The following SNRPB variants were observed in gnomAD, a reference collection of about 807,000 sequenced individuals.
The protein encoded by SNRPB is small nuclear ribonucleoprotein polypeptides B and B1, also known as small nuclear ribonucleoprotein-associated proteins B and B'.
Under a neutral mutation model 26.6 loss-of-function variants are expected in SNRPB, and 5 were observed. The ratio of observed to expected loss-of-function variants is 0.19; its 90% CI spans 0.10 to 0.39. The LOEUF is 0.39. Ranked by LOEUF, SNRPB falls within the 10% of genes least tolerant of loss-of-function variation. The pLI is 1.00. For missense variants in SNRPB, 211 were observed against 311.9 expected (o/e 0.68, Z 2.44); for synonymous variants, 122 against 105.8 (o/e 1.15, Z -0.94).
In SNRPB at chr20:2,463,379, CAT is replaced by C. The variant is rs113082447; in HGVS notation, c.421-154_421-153del. The C allele has an allele frequency of 3.0e-3, 1,985 of 666,774 alleles. 20 individuals carry two copies. Among genetic ancestry groups the C allele is most frequent in the African/African-American group, 0.027 (1,517 of 55,908 alleles). 41.3% of individuals were successfully genotyped at this position (666,774 alleles called of 1,614,324 possible). On this transcript the variant is annotated intron_variant, in intron 4 of 6. Coordinates refer to ENST00000381342, the MANE Select transcript of SNRPB (RefSeq NM_003091.4). The surrounding 1 kb of genome is among the most constrained non-coding windows in gnomAD (Gnocchi z 5.0). ...GCACCAGACTTCCCATCCAAAACCACATGTCGGGAAAGATCAAGCTTGAATGC... is the reference window on the plus strand; with the variant it reads ...GCACCAGACTTCCCATCCAAAACCACGTCGGGAAAGATCAAGCTTGAATGC...
intron 2 of SNRPB, among the ~76,000 whole-genome samples, chr20:2,466,890 G>A (rs1028310462): frequency 4.6e-5 from 7 of 152,144 alleles, no homozygotes; most frequent in African/African-American, 7.2e-5. Context: ...GCCCCAAGGA[G>A]AATCAAAGGG....
chr20:2,462,840 C>A, intron 5 of SNRPB, 79 bp from the exon 6 acceptor site: 1 of 1,282,022 alleles, frequency 7.8e-7, no homozygotes, highest in Non-Finnish European at 1.1e-6. Flanking sequence ...AGCTTTCCAC[C>A]AAGTTCTGAG....
chr20:2,467,874 T>A, intron 1 of SNRPB, 116 bp from the exon 2 acceptor site: 2 of 984,156 alleles, frequency 2.0e-6, no homozygotes, highest in Non-Finnish European at 1.5e-6. Flanking sequence ...CTCAACAGAT[T>A]CTTAGCTCAG....
intron 2 of SNRPB, among the ~76,000 whole-genome samples, chr20:2,467,041 G>A (rs1230640829): frequency 6.6e-6 from 1 of 152,158 alleles, no homozygotes; most frequent in African/African-American, 2.4e-5. Context: ...TCTTTTAATG[G>A]GCCAAAAGCT....
At chr20:2,462,056 T>G (rs2085038229) in intron 6 of SNRPB, 117 bp from the exon 7 acceptor site, 7 of 701,226 alleles carry the variant, frequency 1.0e-5, no homozygotes, top group Non-Finnish European at 1.5e-5. Flanking sequence ...ACATGGCATA[T>G]GTGCTAACTA....
intron 1 of SNRPB, among the ~76,000 whole-genome samples, chr20:2,469,280 C>T (rs1431670633): frequency 1.3e-5 from 2 of 152,232 alleles, no homozygotes; most frequent in Non-Finnish European, 2.9e-5. Flanking sequence ...CCTATTCTAA[C>T]CAGTTATCCA....
chr20:2,470,778 T>C lies in SNRPB; in HGVS notation c.-88A>G, dbSNP rs930669769. On this transcript the variant is annotated 5_prime_UTR_variant, in exon 1 of 7. Transcript: ENST00000381342. ...CCCACAGCCGATTTCCCGCCGCCGCTACCGGAAATGCAGCACCACGTAAAA... is the reference window on the plus strand; with the variant it reads ...CCCACAGCCGATTTCCCGCCGCCGCCACCGGAAATGCAGCACCACGTAAAA... 9.2e-6 allele frequency: 14 copies of C among 1,515,876 alleles called. No individual in the cohort carries two copies. The highest frequency in any genetic ancestry group is 1.7e-4 in the Middle Eastern group (1 of 5,886). The allele number at this position is 1,515,876 out of a possible 1,614,324, so 93.9% of individuals were successfully genotyped here.
At chr20:2,467,796 T>C in intron 1 of SNRPB, 38 bp from the exon 2 acceptor site, 1 of 1,602,404 alleles carries the variant, frequency 6.2e-7, no homozygotes. Context: ...ACTCTGCTCT[T>C]TTGGACCCAA....
In SNRPB at chr20:2,463,670, C is replaced by A; in HGVS notation, c.420+77G>T. 1 of 1,135,878 alleles carries A rather than the reference C, an allele frequency of 8.8e-7. No homozygotes were observed. Among genetic ancestry groups the A allele is most frequent in the South Asian group, 1.5e-5 (1 of 66,248 alleles). The allele number at this position is 1,135,878 out of a possible 1,614,324, so 70.4% of individuals were successfully genotyped here. On this transcript the variant is annotated intron_variant, in intron 4 of 6. Coordinates refer to ENST00000381342, the MANE Select transcript of SNRPB (RefSeq NM_003091.4). This position sits in a 1 kb window ranked among gnomAD's most constrained non-coding sequence, Gnocchi z 5.0. Reference sequence around the variant, plus strand: ...AATCACAGGTTGGTCACTCTGGACCCTTTTAAAACTATGGACCCTCCCCTT... The same window carrying A: ...AATCACAGGTTGGTCACTCTGGACCATTTTAAAACTATGGACCCTCCCCTT...
At chr20:2,464,024 A>G in intron 3 of SNRPB, 125 bp from the exon 4 acceptor site, 1 of 799,260 alleles carries the variant, frequency 1.3e-6, no homozygotes, top group Non-Finnish European at 2.1e-6. Context: ...GCTTATAAAT[A>G]CTACCTCTCC....
intron 5 of SNRPB, 117 bp downstream of exon 5, chr20:2,462,972 G>A (rs1030411450): frequency 5.0e-5 from 56 of 1,122,094 alleles, no homozygotes; most frequent in Non-Finnish European, 6.7e-5. Context: ...GGATCTCAGA[G>A]TAATCCTGCT....
chr20:2,468,916 A>T (rs1328006876), intron 1 of SNRPB, among the ~76,000 whole-genome samples: 1 of 151,814 alleles, frequency 6.6e-6, no homozygotes, highest in African/African-American at 2.4e-5. Flanking sequence ...ACAGGGAAAG[A>T]CTCCATCTCA....
At position 2,463,079 on chromosome 20, in the gene SNRPB, G is replaced by A. The variant is rs929910057; in HGVS notation, c.559+10C>T. ...ATCAATTAGCACTGGTCTCCTTATG[G>A]GCTCCTCACCTGGAGGGGGTGCTCC... On this transcript the variant is annotated intron_variant, in intron 5 of 6. Transcript: ENST00000381342. The surrounding 1 kb of genome is among the most constrained non-coding windows in gnomAD (Gnocchi z 5.0). The A allele has an allele frequency of 6.5e-7, 1 of 1,547,688 alleles. No individual in the cohort carries two copies. The highest frequency in any genetic ancestry group is 2.1e-5 in the Admixed American group (1 of 47,876).
intron 1 of SNRPB, among the ~76,000 whole-genome samples, chr20:2,468,744 G>T (rs1217491877): frequency 2.0e-5 from 3 of 152,166 alleles, no homozygotes; most frequent in Non-Finnish European, 4.4e-5. Flanking sequence ...TGGCTAACAT[G>T]GCGAAGCCCC....
At chr20:2,470,065 A>G (rs947773861) in intron 1 of SNRPB, among the ~76,000 whole-genome samples, 9 of 152,198 alleles carry the variant, frequency 5.9e-5, no homozygotes, top group Admixed American at 5.2e-4. Context: ...GAATTATATT[A>G]TGTGTCCCCA....
chr20:2,461,652 T>A lies in SNRPB; in HGVS notation c.*277A>T. ...CCATAGGTGCAATTATAATGTTCTC[T>A]TAAGAGTTTATTATAAACCAGTTTC... is the stretch of plus-strand genomic sequence containing the variant. On this transcript the variant is annotated 3_prime_UTR_variant, in exon 7 of 7. Transcript: ENST00000381342. The A allele has an allele frequency of 1.3e-6, 1 of 764,838 alleles. No individual in the cohort carries two copies. The highest frequency in any genetic ancestry group is 2.1e-6 in the Non-Finnish European group (1 of 478,360). 47.4% of individuals were successfully genotyped at this position (764,838 alleles called of 1,614,324 possible). A position where few individuals can be genotyped will look rare whatever the true frequency, so the allele number is the denominator to read the frequency against.
chr20:2,470,594 G>A, intron 1 of SNRPB, 94 bp downstream of exon 1: 1 of 1,523,520 alleles, frequency 6.6e-7, no homozygotes, highest in Non-Finnish European at 9.1e-7. Context: ...CGCCCTAAGT[G>A]GCTCCAACCC....
chr20:2,464,557 T>C (rs1250659295), intron 3 of SNRPB, among the ~76,000 whole-genome samples: 1 of 152,256 alleles, frequency 6.6e-6, no homozygotes, highest in African/African-American at 2.4e-5. Context: ...AGTCATTAAC[T>C]TGACTTTAAA....
intron 2 of SNRPB, among the ~76,000 whole-genome samples, chr20:2,466,578 G>A (rs2085075450): frequency 6.6e-6 from 1 of 152,104 alleles, no homozygotes; most frequent in Admixed American, 6.5e-5. Flanking sequence ...ATATTAACTG[G>A]TTGTCTGTGG....
Sources: allele counts gnomAD v4.1 joint callset (sites outside exome capture counted in the v4.1 genomes callset), GRCh38; gene constraint gnomAD v4.1.1; non-coding constraint Gnocchi (gnomAD v3.1); transcripts MANE v1.5; gene names NCBI Gene and HGNC (gene_info 2026-07-23, HGNC 2026-07-21).